JAG2: variants seen among roughly 807,000 people sequenced by gnomAD.
JAG2 encodes the protein jagged canonical Notch ligand 2, also known as protein jagged-2.
In JAG2, 46 loss-of-function variants were observed where a neutral mutation model predicts 141.7. That is an observed-to-expected ratio of 0.32 (90% CI 0.26 to 0.42). The LOEUF is 0.42. JAG2 is among the 10% of genes least tolerant of loss of function. JAG2 has a pLI of 1.00. For synonymous variants in JAG2, 862 were observed against 763.5 expected (o/e 1.13, Z -2.13); for missense variants, 1,500 against 1,817.5 (o/e 0.83, Z 3.18).
At chr14:105,143,231 C>T in intron 25 of JAG2, 61 bp from the exon 26 acceptor site, 2 of 1,540,748 alleles carry the variant, frequency 1.3e-6, no homozygotes, top group Non-Finnish European at 1.8e-6. Context: ...GGGCACTAGC[C>T]ACACACCCAG....
chr14:105,146,566 T>A (rs1888230841), intron 21 of JAG2, 45 bp downstream of exon 21: 1 of 1,602,302 alleles, frequency 6.2e-7, no homozygotes, highest in South Asian at 1.1e-5. Flanking sequence ...GTGTCACCCA[T>A]GCCCCCCAAC....
intron 2 of JAG2, among the ~76,000 whole-genome samples, chr14:105,165,793 G>A (rs1331861500): frequency 2.0e-5 from 3 of 152,232 alleles, no homozygotes; most frequent in Admixed American, 2.0e-4. Context: ...GGCCTGGGCA[G>A]GATGCCACCC....
At chr14:105,165,933 C>T (rs1472979268) in intron 2 of JAG2, among the ~76,000 whole-genome samples, 3 of 152,324 alleles carry the variant, frequency 2.0e-5, no homozygotes, top group African/African-American at 7.2e-5. Context: ...GCAGCATGGC[C>T]AGGGACTGCC....
At position 105,155,717 on chromosome 14, in the gene JAG2, G is replaced by A. The variant is rs760879523; in HGVS notation, c.727+21C>T. The A allele has an allele frequency of 4.7e-5, 76 of 1,612,228 alleles. No homozygotes were observed. In the East Asian group the frequency reaches 7.6e-4, roughly 16 times the overall value. The stretch of plus-strand genomic sequence containing the variant: ...GCCCGAGGCCCTCCCTGCCCTCCAC[G>A]CAGCCCAGCGGCCCCCTCACCTTCC... On this transcript the variant is annotated intron_variant, in intron 4 of 25. Coordinates refer to ENST00000331782, the MANE Select transcript of JAG2 (RefSeq NM_002226.5).
intron 5 of JAG2, among the ~76,000 whole-genome samples, chr14:105,153,257 A>G (rs759552983): frequency 1.6e-4 from 24 of 152,236 alleles, no homozygotes; most frequent in Non-Finnish European, 2.5e-4. Context: ...CCGAAGGCCT[A>G]TCAGCCCAGT....
rs369610323 is a variant in JAG2, at chr14:105,151,966, G to A, written c.1011C>T (p.Asp337=). 1.2e-5 allele frequency: 20 copies of A among 1,613,178 alleles called. No individual in the cohort carries two copies. The highest frequency in any genetic ancestry group is 9.9e-5 in the South Asian group (9 of 91,090). The part of the protein sequence containing the change: ...EPDQYRCTCP[D]GYSGRNCEKA... ...TCTCACAGTTCCTGCCCGAGTAGCC[G>A]TCAGGGCAGGTGCAGCGGTACTGGT... Residue 337 remains aspartate (D), a synonymous_variant, in exon 7 of 26, where the codon GAC becomes GAT. Transcript: ENST00000331782.
intron 22 of JAG2, 28 bp from the exon 23 acceptor site, chr14:105,146,001 G>A: frequency 6.3e-7 from 1 of 1,586,194 alleles, no homozygotes; most frequent in East Asian, 2.3e-5. Context: ...GGAGGGTCAG[G>A]CGCAGGCGCA....
At chr14:105,147,941 G>GGGCCA in intron 17 of JAG2, 53 bp from the exon 18 acceptor site, 1 of 1,410,988 alleles carries the variant, frequency 7.1e-7, no homozygotes, top group Non-Finnish European at 9.8e-7. Flanking sequence ...GGCTGGCCCT[G>GGGCCA]GGTCTCCATA....
At position 105,147,782 on chromosome 14, in the gene JAG2, A is replaced by G; in HGVS notation, c.2355T>C (p.Thr785=). 6.5e-7 allele frequency: 1 copy of G among 1,547,486 alleles called. No individual in the cohort carries two copies. Among genetic ancestry groups the G allele is most frequent in the Non-Finnish European group, 8.7e-7 (1 of 1,145,640 alleles). The change falls in exon 18 of 26, where the codon ACT becomes ACC. Residue 785 remains threonine, a synonymous_variant. Coordinates refer to ENST00000331782, the MANE Select transcript of JAG2 (RefSeq NM_002226.5). ...CCCTCCCACACTCACTGTGAGTGCAAGTACGACCCTCCCAGCCGTCCCGGC... is the reference window on the plus strand; with the variant it reads ...CCCTCCCACACTCACTGTGAGTGCAGGTACGACCCTCCCAGCCGTCCCGGC... ...CICRDGWEGR[T]CTHNTNDCNP... is the part of the protein sequence containing the mutation.
At chr14:105,149,591 T>G (rs1453306009) in intron 12 of JAG2, among the ~76,000 whole-genome samples, 1 of 151,794 alleles carries the variant, frequency 6.6e-6, no homozygotes, top group East Asian at 2.0e-4. Flanking sequence ...TGGCCCCTGC[T>G]GCTGGCAGGA....
chr14:105,160,220 A>C (rs1595186903), intron 2 of JAG2, among the ~76,000 whole-genome samples: 1 of 24,512 alleles, frequency 4.1e-5, no homozygotes, highest in East Asian at 1.2e-3. Context: ...CACACCCCCC[A>C]GGGCTCCATC....
In JAG2 at chr14:105,155,723, C is replaced by T; in HGVS notation, c.727+15G>A. ...GGCCCTCCCTGCCCTCCACGCAGCC[C>T]AGCGGCCCCCTCACCTTCCTTGCAC... On this transcript the variant is annotated intron_variant, in intron 4 of 25. Coordinates refer to ENST00000331782, the MANE Select transcript of JAG2 (RefSeq NM_002226.5). The T allele has an allele frequency of 6.2e-7, 1 of 1,612,544 alleles. No homozygotes were observed. Among genetic ancestry groups the T allele is most frequent in the Non-Finnish European group, 8.5e-7 (1 of 1,179,718 alleles).
At chr14:105,149,408 C>A in intron 12 of JAG2, 88 bp from the exon 13 acceptor site, 1 of 1,559,384 alleles carries the variant, frequency 6.4e-7, no homozygotes, top group Non-Finnish European at 8.8e-7. Context: ...AAGGTAGATC[C>A]CTGGGGACCC....
intron 2 of JAG2, among the ~76,000 whole-genome samples, chr14:105,161,306 G>A (rs587606773): frequency 7.2e-5 from 11 of 152,286 alleles, no homozygotes; most frequent in African/African-American, 2.6e-4. Context: ...GGACCAGGAA[G>A]CAGCAATAGT....
intron 23 of JAG2, among the ~76,000 whole-genome samples, 182 bp from the exon 24 acceptor site, chr14:105,145,243 G>A (rs988507967): frequency 6.6e-6 from 1 of 152,206 alleles, no homozygotes; most frequent in Non-Finnish European, 1.5e-5. Context: ...CCAGGAGGCA[G>A]GAGTGACGGT....
rs1323013287 is a variant in JAG2, at chr14:105,154,974, C to T, written c.788+588G>A. Among the ~76,000 whole-genome samples the T allele has an allele frequency of 7.1e-6, 1 of 140,508 alleles. No homozygotes were observed. The highest frequency in any genetic ancestry group is 2.7e-5 in the African/African-American group (1 of 37,402). 92.2% of individuals were successfully genotyped at this position (140,508 alleles called of 152,430 possible). A position where few individuals can be genotyped will look rare whatever the true frequency, so the allele number is the denominator to read the frequency against. The stretch of plus-strand genomic sequence containing the variant: ...CGTGCGCCTCTCCCCCTTCCACTGA[C>T]CCCCTCCCCATCCCGCTGGCCCCTC... On this transcript the variant is annotated intron_variant, in intron 5 of 25. Transcript: ENST00000331782. This position sits in a 1 kb window ranked among gnomAD's most constrained non-coding sequence, Gnocchi z 4.4.
At position 105,142,927 on chromosome 14, in the gene JAG2, T is replaced by A. The variant is rs1888103808; in HGVS notation, c.3485A>T (p.Asp1162Val). The A allele has an allele frequency of 6.2e-7, 1 of 1,608,638 alleles. No homozygotes were observed. The highest frequency in any genetic ancestry group is 8.5e-7 in the Non-Finnish European group (1 of 1,177,866). The change falls in exon 26 of 26, where the codon GAC becomes GTC. Residue 1162 changes from aspartate (D) to valine (V), a missense_variant. Asp to Val is a radical substitution (Grantham distance 152, BLOSUM62 -3). This residue lies in a region of JAG2 where 425 missense variants were observed against 441.0 expected (regional missense o/e 0.96). Transcript: ENST00000331782. ...KNFTPPPRRA[D>V]EALPGPAGHA... is the part of the protein sequence containing the mutation. ...GCCGGCCGGCCCGGGCAGCGCCTCG[T>A]CCGCCCTGCGCGGCGGCGGCGTGAA... is the stretch of plus-strand genomic sequence containing the variant.
At chr14:105,149,723 C>G (rs1407103835) in intron 12 of JAG2, among the ~76,000 whole-genome samples, 1 of 148,862 alleles carries the variant, frequency 6.7e-6, no homozygotes, top group Non-Finnish European at 1.5e-5. Context: ...TGCCCTGGGC[C>G]CCAAGAAGCC....
chr14:105,143,743 C>A, intron 24 of JAG2, 105 bp from the exon 25 acceptor site: 1 of 1,415,908 alleles, frequency 7.1e-7, no homozygotes, highest in Non-Finnish European at 9.7e-7. Flanking sequence ...GGTGGGCGCA[C>A]GGGAGACGAG....
Sources: gnomAD v4.1 joint callset for allele counts (sites outside exome capture counted in the v4.1 genomes callset) on GRCh38, gnomAD v4.1.1 for gene constraint, gnomAD v4.1.1 regional missense constraint, Gnocchi (gnomAD v3.1) non-coding constraint, MANE v1.5 for transcripts, NCBI Gene and HGNC (gene_info 2026-07-23, HGNC 2026-07-21) for gene names.